Variants in MTA3 observed in about 807,000 individuals in gnomAD.
MTA3 encodes metastasis associated 1 family member 3, also known as metastasis-associated protein MTA3.
MTA3 carries 34 observed loss-of-function variants against 83.5 expected under a neutral mutation model. The observed-to-expected ratio is 0.41, with a 90% CI of 0.31 to 0.54. The LOEUF is 0.54. MTA3 is among the 20% of genes least tolerant of loss of function. MTA3 has a pLI of 0.33. For missense variants in MTA3, 761 were observed against 726.4 expected, an observed-to-expected ratio of 1.05 and a Z score of -0.55; for synonymous variants, 303 against 252.7, an observed-to-expected ratio of 1.20 and a Z score of -1.89.
At chr2:42,653,730 G>T (rs1225842001) in intron 6 of MTA3, among the ~76,000 whole-genome samples, 2 of 152,150 alleles carry the variant, frequency 1.3e-5, no homozygotes, top group Non-Finnish European at 2.9e-5. Flanking sequence ...GCTATATGCT[G>T]CAGACTGTAT....
chr2:42,677,339 T>A (rs1691462784), intron 8 of MTA3, among the ~76,000 whole-genome samples: 1 of 152,120 alleles, frequency 6.6e-6, no homozygotes, highest in Non-Finnish European at 1.5e-5. Flanking sequence ...CTGATTTATT[T>A]TTTTTTTATT....
chr2:42,497,666 C>G (rs1266286532), intron 2 of MTA3, among the ~76,000 whole-genome samples: 1 of 152,070 alleles, frequency 6.6e-6, no homozygotes, highest in Non-Finnish European at 1.5e-5. Context: ...TGCTAAGCCA[C>G]CTGGAGCCAG....
rs1261278425 is a variant in MTA3, at chr2:42,719,022, A to G, written c.1560A>G (p.Pro520=). The change falls in exon 15 of 17, where the codon CCA becomes CCG. Residue 520 remains proline (P), a synonymous_variant. Coordinates refer to ENST00000405094, the MANE Select transcript of MTA3 (RefSeq NM_001330442.2). The part of the protein sequence containing the change: ...ADRHAELSGS[P]LKSKSTRKPL... ...GACATGCTGAACTATCTGGAAGTCC[A>G]CTGAAAAGCAAAAGCACTAGGAAGC... 3 of 1,550,458 alleles carry G rather than the reference A, an allele frequency of 1.9e-6. No individual in the cohort carries two copies. Among genetic ancestry groups the G allele is most frequent in the Non-Finnish European group, 2.6e-6 (3 of 1,146,912 alleles).
At chr2:42,600,842 A>G (rs1250729700) in intron 3 of MTA3, among the ~76,000 whole-genome samples, 5 of 152,146 alleles carry the variant, frequency 3.3e-5, no homozygotes, top group African/African-American at 4.8e-5. Flanking sequence ...TGATTAGCTC[A>G]ATGGTTCATT....
intron 3 of MTA3, among the ~76,000 whole-genome samples, chr2:42,599,774 A>G (rs1050107705): frequency 1.3e-5 from 2 of 152,130 alleles, no homozygotes; most frequent in Admixed American, 6.6e-5. Flanking sequence ...AAGGTATAAT[A>G]TGGTTGACTC....
chr2:42,656,926 A>C (rs1262573558), intron 7 of MTA3, among the ~76,000 whole-genome samples: 3 of 152,246 alleles, frequency 2.0e-5, no homozygotes, highest in Non-Finnish European at 4.4e-5. Flanking sequence ...AGCTATATGT[A>C]GCAAAGAGAT....
At chr2:42,503,921 C>CTTTTT (rs34028665) in intron 2 of MTA3, among the ~76,000 whole-genome samples, 6 of 111,252 alleles carry the variant, frequency 5.4e-5, no homozygotes, top group Admixed American at 1.1e-4. Context: ...GAACCACATT[C>CTTTTT]TTTTTTTTTT....
intron 3 of MTA3, among the ~76,000 whole-genome samples, chr2:42,602,235 C>T (rs559032912): frequency 2.7e-4 from 41 of 152,312 alleles, no homozygotes; most frequent in South Asian, 1.2e-3. Context: ...CCTCGGCCTC[C>T]TGAAGTGCTG....
chr2:42,748,691 T>C (rs1315189978), intron 16 of MTA3, among the ~76,000 whole-genome samples: 2 of 152,196 alleles, frequency 1.3e-5, no homozygotes, highest in African/African-American at 4.8e-5. Context: ...CTAGGGACTG[T>C]TTTTTCTTTT....
At chr2:42,649,949 G>C (rs1688556029) in intron 6 of MTA3, among the ~76,000 whole-genome samples, 1 of 152,146 alleles carries the variant, frequency 6.6e-6, no homozygotes, top group Non-Finnish European at 1.5e-5. Context: ...AGATTTAACT[G>C]TTTTATTATG....
intron 2 of MTA3, among the ~76,000 whole-genome samples, chr2:42,552,656 A>C (rs970122822): frequency 6.6e-6 from 1 of 151,810 alleles, no homozygotes; most frequent in Non-Finnish European, 1.5e-5. Flanking sequence ...GAAGAAGAAA[A>C]AGAAAAAAGA....
At chr2:42,718,249 T>C (rs1380910222) in intron 14 of MTA3, among the ~76,000 whole-genome samples, 5 of 151,968 alleles carry the variant, frequency 3.3e-5, no homozygotes, top group African/African-American at 1.2e-4. Flanking sequence ...AAATTATTAT[T>C]GTTATTATTA....
At position 42,615,711 on chromosome 2, in the gene MTA3, C is replaced by CTTTTTTTTTTTTTTT. The variant is rs35331224; in HGVS notation, c.317+6140_317+6154dup. ...ACCACAGATACTTGAATAATCTCTT[C>CTTTTTTTTTTTTTTT]TTTTTTTTTTTTTTTTTTTTTTTTT... On this transcript the variant is annotated intron_variant, in intron 4 of 16. Coordinates refer to ENST00000405094, the MANE Select transcript of MTA3 (RefSeq NM_001330442.2). Among the ~76,000 whole-genome samples, 21 of 59,794 alleles carry CTTTTTTTTTTTTTTT rather than the reference C, an allele frequency of 3.5e-4. 7 individuals are homozygous for CTTTTTTTTTTTTTTT. Among genetic ancestry groups the CTTTTTTTTTTTTTTT allele is most frequent in the Non-Finnish European group, 5.0e-4 (17 of 34,210 alleles). The allele number at this position is 59,794 out of a possible 152,430, so 39.2% of individuals were successfully genotyped here.
intron 8 of MTA3, among the ~76,000 whole-genome samples, chr2:42,675,199 C>T (rs937531803): frequency 2.0e-5 from 3 of 151,588 alleles, no homozygotes; most frequent in South Asian, 2.1e-4. Flanking sequence ...GCAATGGTGA[C>T]GTCTCTGCTC....
intron 3 of MTA3, among the ~76,000 whole-genome samples, chr2:42,593,513 G>A (rs1184256268): frequency 6.6e-6 from 1 of 152,152 alleles, no homozygotes; most frequent in African/African-American, 2.4e-5. Context: ...TGTGAGTAAT[G>A]CTTTGTGCCA....
At chr2:42,688,424 G>C (rs1175952075) in intron 9 of MTA3, among the ~76,000 whole-genome samples, 1 of 152,172 alleles carries the variant, frequency 6.6e-6, no homozygotes, top group African/African-American at 2.4e-5. Context: ...TAATAGGTTT[G>C]TAGTAGCATT....
chr2:42,701,224 C>T (rs949704484), intron 11 of MTA3, among the ~76,000 whole-genome samples: 4 of 145,644 alleles, frequency 2.7e-5, no homozygotes, highest in Non-Finnish European at 4.5e-5. Flanking sequence ...ATCACCTGAG[C>T]CTGAGAGGTT....
chr2:42,626,376 C>A (rs1033889002), intron 4 of MTA3, among the ~76,000 whole-genome samples: 2 of 151,762 alleles, frequency 1.3e-5, no homozygotes, highest in African/African-American at 4.9e-5. Context: ...CGGCTCACTG[C>A]AACCTCTGCT....
At chr2:42,644,313 C>T (rs1687963445) in intron 6 of MTA3, 69 bp downstream of exon 6, 5 of 992,970 alleles carry the variant, frequency 5.0e-6, no homozygotes, top group Admixed American at 2.3e-5. Flanking sequence ...TACATGTCCT[C>T]ATGTAGAAGA....
Sources: allele counts gnomAD v4.1 joint callset (sites outside exome capture counted in the v4.1 genomes callset), GRCh38; gene constraint gnomAD v4.1.1; transcripts MANE v1.5; gene names NCBI Gene and HGNC (gene_info 2026-07-23, HGNC 2026-07-21).